SON: variants seen among roughly 807,000 people sequenced by gnomAD.
The protein encoded by SON is protein SON.
A neutral mutation model predicts 173.3 loss-of-function variants in SON; 4 were observed. That is an observed-to-expected ratio of 0.02 (90% CI 0.01 to 0.05). The LOEUF is 0.05. Among genes scored for constraint, SON ranks in the 10% least tolerant of loss-of-function variants. The probability of loss-of-function intolerance (pLI) is 1.00; values close to 1 mark genes in which losing one functional copy is unlikely to be tolerated. For synonymous variants in SON, 1,190 were observed against 1,105.9 expected (o/e 1.08, Z -1.51); for missense variants, 2,626 against 3,055.3 (o/e 0.86, Z 3.31).
At chr21:33,567,468 T>C (rs2086197304) in intron 7 of SON, 1 of 562,886 alleles carries the variant, frequency 1.8e-6, no homozygotes, top group African/African-American at 1.9e-5. Context: ...TTGTTTACTA[T>C]GTGGCAGGAA....
chr21:33,560,350 T>A, intron 6 of SON: 1 of 1,288,722 alleles, frequency 7.8e-7, no homozygotes, highest in Non-Finnish European at 9.8e-7. Flanking sequence ...CCTTTTAAAT[T>A]CTTGTGTTTA....
Position 33,550,432 on chromosome 21 carries a change from C to G in SON, c.1201C>G (p.Pro401Ala), listed in dbSNP as rs762924984. ...MPELQGPPVT[P>A]VLELPGPSAT... is the part of the protein sequence containing the mutation. ...GGAGTTGCAGGGGCCCCCTGTGACT[C>G]CAGTGCTGGAGTTACCTGGGCCCTC... The change falls in exon 3 of 12, where the codon CCA (proline) becomes GCA (alanine). Residue 401 changes from proline (P) to alanine (A), a missense_variant. This residue lies in a region of SON where 757 missense variants were observed against 730.1 expected (regional missense o/e 1.04). Coordinates refer to ENST00000356577, the MANE Select transcript of SON (RefSeq NM_138927.4). The G allele has an allele frequency of 1.2e-6, 2 of 1,613,724 alleles. No homozygotes were observed. Among genetic ancestry groups the G allele is most frequent in the Non-Finnish European group, 1.7e-6 (2 of 1,179,902 alleles).
chr21:33,559,890 G>A lies in SON; in HGVS notation c.6657+115G>A, dbSNP rs766314966. ...CACTCTTCTTAGGGCCGGGTTAAAC[G>A]GCAGGGCCGGGTTAGACGACAGATG... is the stretch of plus-strand genomic sequence containing the variant. On this transcript the variant is annotated intron_variant, in intron 6 of 11. Coordinates refer to ENST00000356577, the MANE Select transcript of SON (RefSeq NM_138927.4). This position sits in a 1 kb window ranked among gnomAD's most constrained non-coding sequence, Gnocchi z 4.1. The A allele has an allele frequency of 1.1e-5, 18 of 1,606,936 alleles. No homozygotes were observed. The highest frequency in any genetic ancestry group is 1.4e-5 in the Non-Finnish European group (17 of 1,174,804).
At chr21:33,560,402 C>T (rs887538495) in intron 6 of SON, 1 of 1,131,284 alleles carries the variant, frequency 8.8e-7, no homozygotes, top group Admixed American at 4.5e-5. Context: ...TTCTCCTTCC[C>T]CTCTTTGCTA....
chr21:33,559,843 A>G lies in SON; in HGVS notation c.6657+68A>G, dbSNP rs1601280565. On this transcript the variant is annotated intron_variant, in intron 6 of 11. Coordinates refer to ENST00000356577, the MANE Select transcript of SON (RefSeq NM_138927.4). This position sits in a 1 kb window ranked among gnomAD's most constrained non-coding sequence, Gnocchi z 4.1. ...GAATCTGCCATTTCATTGTTATGTT[A>G]TGTCTGATTTGGATTCTGTTTCACT... 3.1e-6 allele frequency: 5 copies of G among 1,604,432 alleles called. 1 individual carries two copies. In the Admixed American group the frequency reaches 8.4e-5, roughly 27 times the overall value.
chr21:33,546,383 A>G lies in SON; in HGVS notation c.244+4A>G, dbSNP rs2085617768. 6.3e-7 allele frequency: 1 copy of G among 1,589,172 alleles called. No homozygotes were observed. Among genetic ancestry groups the G allele is most frequent in the South Asian group, 1.2e-5 (1 of 85,392 alleles). On this transcript the variant is annotated splice_donor_region_variant and intron_variant, in intron 2 of 11. Coordinates refer to ENST00000356577, the MANE Select transcript of SON (RefSeq NM_138927.4). ...ACAGAACTACGATATAAGCCAGGTA[A>G]GTTGGAGATAATTAACTGTCTCAAA...
intron 1 of SON, among the ~76,000 whole-genome samples, chr21:33,544,575 C>T (rs577181033): frequency 6.6e-5 from 10 of 152,186 alleles, no homozygotes; most frequent in African/African-American, 2.4e-4. Context: ...GATATGTGAT[C>T]ATCTTGTTTT....
rs373616331 is a variant in SON, at chr21:33,553,450, G to C, written c.4219G>C (p.Val1407Leu). 9 of 1,614,090 alleles carry C rather than the reference G, an allele frequency of 5.6e-6. No individual in the cohort carries two copies. Among genetic ancestry groups the C allele is most frequent in the Non-Finnish European group, 7.6e-6 (9 of 1,180,046 alleles). Reference protein sequence around the residue: ...VAEPDYVTIPVPVVSALEPSV... With the variant: ...VAEPDYVTIPLPVVSALEPSV... ...TGAGCCAGACTATGTTACCATTCCTGTGCCAGTTGTTTCTGCGCTGGAGCC... is the reference window on the plus strand; with the variant it reads ...TGAGCCAGACTATGTTACCATTCCTCTGCCAGTTGTTTCTGCGCTGGAGCC... The change falls in exon 3 of 12, where the codon GTG (valine) becomes CTG (leucine). Residue 1407 changes from valine to leucine, a missense_variant. Coordinates refer to ENST00000356577, the MANE Select transcript of SON (RefSeq NM_138927.4).
chr21:33,551,944 A>T lies in SON; in HGVS notation c.2713A>T (p.Met905Leu). The T allele has an allele frequency of 1.2e-6, 2 of 1,614,124 alleles. No individual in the cohort carries two copies. The highest frequency in any genetic ancestry group is 1.7e-6 in the Non-Finnish European group (2 of 1,179,982). ...MLASSTQDSA[M>L]LGSKSPDPYR... ...AGCGTCTAGTACCCAAGATTCTGCT[A>T]TGTTGGGTTCAAAATCTCCTGATCC... Residue 905 changes from methionine to leucine, a missense_variant, in exon 3 of 12, where the codon ATG becomes TTG. Physicochemically the swap from Met to Leu is conservative, Grantham distance 15 (BLOSUM62 2). Transcript: ENST00000356577.
Position 33,551,805 on chromosome 21 carries a change from T to C in SON, c.2574T>C (p.Thr858=), listed in dbSNP as rs569909462. The stretch of plus-strand genomic sequence containing the variant: ...CCATGGACTCCCAGATGTTAGCAAC[T>C]AGCTCAATGGATTCCCAGATGTTAG... ...TSTMDSQMLA[T]SSMDSQMLAS... The change falls in exon 3 of 12, where the codon ACT becomes ACC. Residue 858 remains threonine (T), a synonymous_variant. Coordinates refer to ENST00000356577, the MANE Select transcript of SON (RefSeq NM_138927.4). 3.7e-6 allele frequency: 6 copies of C among 1,613,566 alleles called. No individual in the cohort carries two copies. In the African/African-American group the frequency reaches 5.3e-5, roughly 14 times the overall value.
rs773884935 is a variant in SON, at chr21:33,553,767, A to ATT, written c.4536_4537insTT (p.Pro1513PhefsTer8). 2 of 1,614,122 alleles carry ATT rather than the reference A, an allele frequency of 1.2e-6. No homozygotes were observed. The highest frequency in any genetic ancestry group is 2.2e-5 in the East Asian group (1 of 44,888). Reference sequence around the variant, plus strand: ...AGATTGCATTGCATTCAGGTGAAGAACCACATGCTGAGGAACACCTGAAAG... The same window carrying ATT: ...AGATTGCATTGCATTCAGGTGAAGAATTCCACATGCTGAGGAACACCTGAAAG... On this transcript the variant is annotated frameshift_variant, in exon 3 of 12. Transcript: ENST00000356577. LOFTEE classifies it high-confidence loss of function.
Position 33,559,766 on chromosome 21 carries a change from G to C in SON, c.6648G>C (p.Leu2216Phe). Reference protein sequence around the residue: ...KDDDNVFSSNLPSEPVDISTA... With the variant: ...KDDDNVFSSNFPSEPVDISTA... The stretch of plus-strand genomic sequence containing the variant: ...ATGATAATGTTTTCAGCAGCAATTT[G>C]CCCTCAGAGGTAAGTAGGAGGAATA... The change falls in exon 6 of 12, where the codon TTG becomes TTC. Residue 2216 changes from leucine (L) to phenylalanine (F), a missense_variant. Leu to Phe is a conservative substitution (Grantham distance 22). Around this residue, in one of 13 missense-constraint regions of SON, gnomAD observed 75 missense variants for 201.6 expected, o/e 0.37. Transcript: ENST00000356577. This position sits in a 1 kb window ranked among gnomAD's most constrained non-coding sequence, Gnocchi z 4.1. 6.2e-7 allele frequency: 1 copy of C among 1,613,382 alleles called. No individual in the cohort carries two copies. The highest frequency in any genetic ancestry group is 1.1e-5 in the South Asian group (1 of 90,930).
chr21:33,545,873 T>C (rs1245421213), intron 1 of SON, among the ~76,000 whole-genome samples: 2 of 152,252 alleles, frequency 1.3e-5, no homozygotes, highest in African/African-American at 4.8e-5. Context: ...TCTTTTGATT[T>C]GTGACCGGGC....
At position 33,550,854 on chromosome 21, in the gene SON, G is replaced by C. The variant is rs1224762556; in HGVS notation, c.1623G>C (p.Glu541Asp). The C allele has an allele frequency of 1.9e-6, 3 of 1,613,596 alleles. No individual in the cohort carries two copies. The Admixed American group carries it at 5.0e-5, about 27-fold the overall frequency. The change falls in exon 3 of 12, where the codon GAG becomes GAC. Residue 541 changes from glutamate to aspartate, a missense_variant. Around this residue, in one of 13 missense-constraint regions of SON, gnomAD observed 757 missense variants for 730.1 expected, o/e 1.04. Coordinates refer to ENST00000356577, the MANE Select transcript of SON (RefSeq NM_138927.4). Reference protein sequence around the residue: ...TTATGLLGQPEATMVLELPGQ... With the variant: ...TTATGLLGQPDATMVLELPGQ... Reference sequence around the variant, plus strand: ...CAACAGGGTTGCTGGGGCAGCCTGAGGCAACGATGGTGCTGGAGTTGCCAG... The same window carrying C: ...CAACAGGGTTGCTGGGGCAGCCTGACGCAACGATGGTGCTGGAGTTGCCAG...
At chr21:33,547,343 A>G (rs1254629010) in intron 2 of SON, among the ~76,000 whole-genome samples, 3 of 152,224 alleles carry the variant, frequency 2.0e-5, no homozygotes, top group Non-Finnish European at 4.4e-5. Context: ...TTGTGTAAAA[A>G]TACCCATCCC....
At chr21:33,557,583 G>A (rs764055414) in intron 4 of SON, 20 of 1,550,486 alleles carry the variant, frequency 1.3e-5, no homozygotes, top group Non-Finnish European at 1.6e-5. Flanking sequence ...GGGACGGTTC[G>A]TTTGAATGGA....
At position 33,555,255 on chromosome 21, in the gene SON, A is replaced by G; in HGVS notation, c.6024A>G (p.Arg2008=). Residue 2008 remains arginine, a synonymous_variant, in exon 3 of 12, where the codon CGA becomes CGG. Transcript: ENST00000356577. ...RRRSRSVVRR[R]SFSISPVRLR... ...GATCAAGGTCTGTGGTAAGAAGACGAAGCTTCAGTATCTCACCAGTCAGAT... is the reference window on the plus strand; with the variant it reads ...GATCAAGGTCTGTGGTAAGAAGACGGAGCTTCAGTATCTCACCAGTCAGAT... The G allele has an allele frequency of 6.2e-7, 1 of 1,612,550 alleles. No individual in the cohort carries two copies. The highest frequency in any genetic ancestry group is 8.5e-7 in the Non-Finnish European group (1 of 1,179,466).
chr21:33,546,154 AT>A (rs1317187558), intron 1 of SON, 58 bp from the exon 2 acceptor site: 31 of 1,439,666 alleles, frequency 2.2e-5, no homozygotes, highest in South Asian at 5.1e-5. Flanking sequence ...AATTAATTGG[AT>A]TTTTTTATTA....
In SON at chr21:33,573,335, A is replaced by G; in HGVS notation, c.6913A>G (p.Thr2305Ala). 1.2e-6 allele frequency: 2 copies of G among 1,611,790 alleles called. No individual in the cohort carries two copies. Among genetic ancestry groups the G allele is most frequent in the African/African-American group, 2.7e-5 (2 of 74,994 alleles). ...KDQFLRAAPV[T>A]GGMGAVLMRK... ...TCAGTTCTTAAGAGCAGCCCCGGTA[A>G]CTGGAGGAATGGGAGCCGTTTTGAT... The change falls in exon 9 of 12, where the codon ACT becomes GCT. Residue 2305 changes from threonine to alanine, a missense_variant. Around this residue, in one of 13 missense-constraint regions of SON, gnomAD observed 9 missense variants for 100.5 expected, o/e 0.09. Coordinates refer to ENST00000356577, the MANE Select transcript of SON (RefSeq NM_138927.4).
Sources: gnomAD v4.1 joint callset for allele counts (sites outside exome capture counted in the v4.1 genomes callset) on GRCh38, gnomAD v4.1.1 for gene constraint, gnomAD v4.1.1 regional missense constraint, Gnocchi (gnomAD v3.1) non-coding constraint, MANE v1.5 for transcripts, NCBI Gene and HGNC (gene_info 2026-07-23, HGNC 2026-07-21) for gene names.